Variants in PLCXD1 observed in about 807,000 individuals in gnomAD.
PLCXD1 encodes phosphatidylinositol specific phospholipase C X domain containing 1.
PLCXD1 carries 45 observed loss-of-function variants against 37.8 expected under a neutral mutation model. The observed-to-expected ratio is 1.19, with a 90% CI of 0.94 to 1.53. The LOEUF is 1.53. PLCXD1 is among the 40% of genes most tolerant of loss of function. The probability of loss-of-function intolerance (pLI) is 0.00; values close to 1 mark genes in which losing one functional copy is unlikely to be tolerated. For missense variants in PLCXD1, 539 were observed against 454.7 expected (o/e 1.19, Z -1.69); for synonymous variants, 246 against 206.9 (o/e 1.19, Z -1.62).
chrX:294,237 C>T (rs1489615500), intron 6 of PLCXD1, among the ~76,000 whole-genome samples: 1 of 152,126 alleles, frequency 6.6e-6, no homozygotes, highest in Admixed American at 6.6e-5. Flanking sequence ...AATCCCAGCA[C>T]TTCGGGAGGC....
chrX:293,121 C>T lies in PLCXD1; in HGVS notation c.636C>T (p.His212=), dbSNP rs757704686. 29 of 1,612,048 alleles carry T rather than the reference C, an allele frequency of 1.8e-5. 1 individual carries two copies. The South Asian group carries it at 2.3e-4, about 13-fold the overall frequency. Reference sequence around the variant, plus strand: ...ACGAGAGCTCCTTGCGCCGGCACCACGAGCTGTGGCCAGGAGTCCCCTACT... The same window carrying T: ...ACGAGAGCTCCTTGCGCCGGCACCATGAGCTGTGGCCAGGAGTCCCCTACT... The part of the protein sequence containing the change: ...YEDESSLRRH[H]ELWPGVPYWW... Residue 212 remains histidine, a synonymous_variant, in exon 6 of 7, where the codon CAC becomes CAT. Coordinates refer to ENST00000381657, the MANE Select transcript of PLCXD1 (RefSeq NM_018390.4).
upstream of PLCXD1, among the ~76,000 whole-genome samples, chrX:277,393 G>A (rs1248624451): frequency 3.3e-5 from 3 of 91,992 alleles, no homozygotes; most frequent in Non-Finnish European, 2.5e-5. Context: ...CAGTGGTCAG[G>A]GGACCTGGGA....
chrX:278,125 C>T (rs1569564313), upstream of PLCXD1, among the ~76,000 whole-genome samples: 1 of 97,590 alleles, frequency 1.0e-5, no homozygotes, highest in Non-Finnish European at 2.0e-5. Context: ...GGTGTGGGGA[C>T]AGGAGTGGAC....
intron 6 of PLCXD1, among the ~76,000 whole-genome samples, chrX:294,394 A>G (rs1403796299): frequency 2.0e-5 from 3 of 151,658 alleles, no homozygotes; most frequent in Non-Finnish European, 2.9e-5. Flanking sequence ...AGGTAGGAGA[A>G]TGGTGTGAAC....
intron 6 of PLCXD1, among the ~76,000 whole-genome samples, chrX:295,717 C>T (rs1304265453): frequency 2.0e-5 from 3 of 151,748 alleles, no homozygotes; most frequent in African/African-American, 7.2e-5. Flanking sequence ...TTAGTAGAGA[C>T]AGGGTTTCAC....
chrX:284,113 ACTC>A (rs2069366847), intron 1 of PLCXD1, 51 bp from the exon 2 acceptor site: 6 of 1,462,402 alleles, frequency 4.1e-6, no homozygotes, highest in Non-Finnish European at 5.7e-6. Flanking sequence ...CTGGTCTCGA[ACTC>A]CTGACCTGAA....
In PLCXD1 at chrX:288,840, CCT is replaced by C. The variant is rs750421890; in HGVS notation, c.236_237del (p.Pro79ArgfsTer124). 9.3e-6 allele frequency: 15 copies of C among 1,613,366 alleles called. No individual in the cohort carries two copies. Among genetic ancestry groups the C allele is most frequent in the Non-Finnish European group, 1.0e-5 (12 of 1,179,798 alleles). ...LNKALPCITR[P>X]VVLKWSVTQA... ...CAAGGCCTTGCCCTGCATCACGCGC[CCT>C]GTCGTGCTGAAATGGTCCGTCACCC... On this transcript the variant is annotated frameshift_variant, in exon 3 of 7. Coordinates refer to ENST00000381657, the MANE Select transcript of PLCXD1 (RefSeq NM_018390.4). LOFTEE classifies it high-confidence loss of function.
chrX:288,973 G>C (rs1226080642), intron 3 of PLCXD1, 104 bp downstream of exon 3: 15 of 1,114,434 alleles, frequency 1.3e-5, no homozygotes, highest in Non-Finnish European at 2.0e-5. Flanking sequence ...TTTGAGTGGT[G>C]CCCTGTGGGC....
chrX:284,353 C>A, intron 2 of PLCXD1, 39 bp downstream of exon 2: 1 of 1,608,862 alleles, frequency 6.2e-7, no homozygotes, highest in Non-Finnish European at 8.5e-7. Flanking sequence ...GCCTCTATCC[C>A]AGGTGACGGC....
intron 3 of PLCXD1, among the ~76,000 whole-genome samples, chrX:290,121 G>A (rs2069580100): frequency 1.3e-5 from 2 of 152,022 alleles, no homozygotes; most frequent in Non-Finnish European, 2.9e-5. Flanking sequence ...CCACACCCAG[G>A]CTGATTTTTA....
chrX:301,450 T>TTTG lies in PLCXD1; in HGVS notation c.*2117_*2118insGTT. On this transcript the variant is annotated 3_prime_UTR_variant, in exon 7 of 7. Transcript: ENST00000381657. ...TCAGCCACCACACCCACAGCTAATT[T>TTTG]TTTTTGTAGAGATGGGGTCTGGCTC... 8.2e-6 allele frequency: 1 copy of TTTG among 121,882 alleles called. No individual in the cohort carries two copies. Among genetic ancestry groups the TTTG allele is most frequent in the Non-Finnish European group, 1.7e-5 (1 of 59,610 alleles). The allele number at this position is 121,882 out of a possible 1,614,324, so 7.6% of individuals were successfully genotyped here.
upstream of PLCXD1, among the ~76,000 whole-genome samples, chrX:276,732 G>A (rs1371895551): frequency 1.3e-5 from 2 of 152,204 alleles, no homozygotes; most frequent in East Asian, 1.9e-4. Context: ...CCGGTTGGAC[G>A]TCCTCACCCT....
chrX:289,297 C>G (rs2069552131), intron 3 of PLCXD1, among the ~76,000 whole-genome samples: 2 of 152,010 alleles, frequency 1.3e-5, no homozygotes, highest in African/African-American at 4.8e-5. Flanking sequence ...CCGTGTTAGT[C>G]AGGATGGTCT....
At chrX:277,266 C>T (rs1342966239), upstream of PLCXD1, among the ~76,000 whole-genome samples, 173 of 19,378 alleles carry the variant, frequency 8.9e-3, no homozygotes, top group Middle Eastern at 0.026. Flanking sequence ...TCAGGGGGAA[C>T]GTGGGGACAG....
At chrX:293,645 G>A (rs28661974) in intron 6 of PLCXD1, among the ~76,000 whole-genome samples, 80,041 of 151,960 alleles carry the variant, frequency 0.53, 21,398 homozygotes, top group Middle Eastern at 0.67. Context: ...GGCGGGGGGA[G>A]GGATCAACAA....
intron 2 of PLCXD1, among the ~76,000 whole-genome samples, chrX:287,446 A>ATATGTTTATATATAGATATATATACACTG (rs1569564451): frequency 2.3e-5 from 3 of 129,216 alleles, no homozygotes; most frequent in Non-Finnish European, 4.7e-5. Flanking sequence ...TATATACACT[A>ATATGTTTATATATAGATATATATACACTG]TATATGTTTA....
At position 294,240 on chromosome X, in the gene PLCXD1, C is replaced by T. The variant is rs771860631; in HGVS notation, c.733+1022C>T. ...GCTCACGCCTGTAATCCCAGCACTT[C>T]GGGAGGCCGAGGCGGGCGGATCATG... On this transcript the variant is annotated intron_variant, in intron 6 of 6. Transcript: ENST00000381657. 2.0e-3 allele frequency among the ~76,000 whole-genome samples: 305 copies of T among 152,110 alleles called. 1 individual carries two copies. The highest frequency in any genetic ancestry group is 3.7e-3 in the South Asian group (18 of 4,808).
intron 5 of PLCXD1, among the ~76,000 whole-genome samples, chrX:291,900 G>C (rs2069647786): frequency 6.6e-6 from 1 of 152,282 alleles, no homozygotes; most frequent in Non-Finnish European, 1.5e-5. Flanking sequence ...GGGCGCGGTG[G>C]CTCACGCCTG....
chrX:287,345 G>T, intron 2 of PLCXD1, among the ~76,000 whole-genome samples: 1 of 140,872 alleles, frequency 7.1e-6, no homozygotes, highest in South Asian at 2.2e-4. Context: ...ATAATATGTG[G>T]ATATATATTT....
Sources: gnomAD v4.1 joint callset for allele counts (sites outside exome capture counted in the v4.1 genomes callset) on GRCh38, gnomAD v4.1.1 for gene constraint, MANE v1.5 for transcripts, NCBI Gene and HGNC (gene_info 2026-07-23, HGNC 2026-07-21) for gene names.